The following SLX4IP variants were observed in gnomAD, a reference collection of about 807,000 sequenced individuals.
SLX4IP encodes protein SLX4IP.
SLX4IP carries 34 observed loss-of-function variants against 32.9 expected under a neutral mutation model. The ratio of observed to expected loss-of-function variants is 1.03; its 90% CI spans 0.79 to 1.38. The LOEUF (loss-of-function observed/expected upper bound fraction) is 1.38, where lower values mean the gene tolerates loss of function less well. SLX4IP is among the 40% of genes most tolerant of loss of function. The probability of loss-of-function intolerance (pLI) is 0.00; values close to 1 mark genes in which losing one functional copy is unlikely to be tolerated. For missense variants in SLX4IP, 444 were observed against 479.0 expected, an observed-to-expected ratio of 0.93 and a Z score of 0.68; for synonymous variants, 172 against 171.7, an observed-to-expected ratio of 1.00 and a Z score of -0.01.
chr20:10,438,503 A>G (rs1037878089), intron 1 of SLX4IP, among the ~76,000 whole-genome samples: 11 of 139,420 alleles, frequency 7.9e-5, no homozygotes, highest in African/African-American at 3.0e-4. Flanking sequence ...TTTGAGATGA[A>G]GTCTCCCTCT....
chr20:10,571,707 G>A (rs1032026942), intron 4 of SLX4IP, among the ~76,000 whole-genome samples: 1 of 152,172 alleles, frequency 6.6e-6, no homozygotes, highest in Non-Finnish European at 1.5e-5. Context: ...AGCACCCACT[G>A]CAGAGCCTGT....
intron 2 of SLX4IP, among the ~76,000 whole-genome samples, chr20:10,468,015 C>T (rs2065395018): frequency 6.6e-6 from 1 of 152,090 alleles, no homozygotes; most frequent in African/African-American, 2.4e-5. Flanking sequence ...TCTTATCCTC[C>T]TTTTTAGTCT....
intron 1 of SLX4IP, among the ~76,000 whole-genome samples, chr20:10,446,607 A>G (rs2065204688): frequency 1.3e-5 from 2 of 151,694 alleles, no homozygotes; most frequent in African/African-American, 2.4e-5. Flanking sequence ...TGAGAGATCT[A>G]TTTTCTCTGC....
intron 6 of SLX4IP, 151 bp downstream of exon 6, chr20:10,601,970 G>A (rs556482672): frequency 1.2e-4 from 78 of 651,702 alleles, no homozygotes; most frequent in Admixed American, 3.7e-4. Flanking sequence ...CCTGTTTTAC[G>A]TGGTAATATC....
intron 2 of SLX4IP, among the ~76,000 whole-genome samples, chr20:10,495,243 C>T (rs557418911): frequency 6.6e-6 from 1 of 152,092 alleles, no homozygotes; most frequent in Non-Finnish European, 1.5e-5. Flanking sequence ...TTGTCATTGT[C>T]ATTTTCTCCT....
intron 4 of SLX4IP, 142 bp from the exon 5 acceptor site, chr20:10,598,533 G>T: frequency 1.3e-6 from 1 of 783,098 alleles, no homozygotes; most frequent in South Asian, 1.6e-5. Context: ...CGAATTGTTG[G>T]GATTACAGGC....
intron 2 of SLX4IP, among the ~76,000 whole-genome samples, chr20:10,486,965 G>GTT: frequency 6.6e-6 from 1 of 151,098 alleles, no homozygotes; most frequent in East Asian, 1.9e-4. Context: ...ACAGTTAAGT[G>GTT]TTGATTGTTC....
At chr20:10,489,858 A>G (rs1321977886) in intron 2 of SLX4IP, among the ~76,000 whole-genome samples, 1 of 152,242 alleles carries the variant, frequency 6.6e-6, no homozygotes, top group Non-Finnish European at 1.5e-5. Context: ...AATGAAGCTT[A>G]CTTGGTTCTT....
At chr20:10,575,075 G>T (rs1025349731) in intron 4 of SLX4IP, among the ~76,000 whole-genome samples, 5 of 152,074 alleles carry the variant, frequency 3.3e-5, no homozygotes, top group African/African-American at 1.2e-4. Context: ...CCAAAGACAG[G>T]TCCCCACTGG....
chr20:10,625,982 G>T lies in SLX4IP; in HGVS notation c.*2603G>T, dbSNP rs1274658466. On this transcript the variant is annotated 3_prime_UTR_variant, in exon 8 of 8. Transcript: ENST00000334534. ...AGGTAGGATATGAAGAGTTCTCACTGTTGGGAATGGTATGTGTTTTGACAT... is the reference window on the plus strand; with the variant it reads ...AGGTAGGATATGAAGAGTTCTCACTTTTGGGAATGGTATGTGTTTTGACAT... 3 of 144,864 alleles carry T rather than the reference G, an allele frequency of 2.1e-5. No individual in the cohort carries two copies. Among genetic ancestry groups the T allele is most frequent in the East Asian group, 4.0e-4 (2 of 4,972 alleles). 9.0% of individuals were successfully genotyped at this position (144,864 alleles called of 1,614,324 possible).
chr20:10,603,919 T>C (rs80325724), intron 6 of SLX4IP, among the ~76,000 whole-genome samples: 3,663 of 152,322 alleles, frequency 0.024, 101 homozygotes, highest in Admixed American at 0.088. Context: ...TTAATTCTCA[T>C]TGATATTTGA....
chr20:10,531,543 TG>T (rs2065989477), intron 2 of SLX4IP, among the ~76,000 whole-genome samples: 1 of 152,192 alleles, frequency 6.6e-6, no homozygotes, highest in South Asian at 2.1e-4. Flanking sequence ...TTCTCAGCTG[TG>T]GGGACCCAAT....
At chr20:10,510,032 C>T (rs78125820) in intron 2 of SLX4IP, among the ~76,000 whole-genome samples, 2,935 of 152,242 alleles carry the variant, frequency 0.019, 77 homozygotes, top group African/African-American at 0.056. Context: ...TATTAACATT[C>T]TGTGTACAGA....
At chr20:10,481,362 A>G (rs1238719553) in intron 2 of SLX4IP, among the ~76,000 whole-genome samples, 4 of 152,178 alleles carry the variant, frequency 2.6e-5, no homozygotes, top group African/African-American at 4.8e-5. Flanking sequence ...ACATTGTCTC[A>G]TATCTTGGAA....
chr20:10,590,403 C>T (rs1444838129), intron 4 of SLX4IP, among the ~76,000 whole-genome samples: 1 of 151,922 alleles, frequency 6.6e-6, no homozygotes, highest in African/African-American at 2.4e-5. Flanking sequence ...CTCTGTCACC[C>T]AGGCTGGAGT....
intron 2 of SLX4IP, among the ~76,000 whole-genome samples, chr20:10,522,774 G>A (rs1047933318): frequency 1.3e-5 from 2 of 152,100 alleles, no homozygotes; most frequent in Non-Finnish European, 2.9e-5. Context: ...TTCATCCATC[G>A]ATGCCACAAG....
chr20:10,496,361 A>G (rs948092916), intron 2 of SLX4IP, among the ~76,000 whole-genome samples: 1 of 152,046 alleles, frequency 6.6e-6, no homozygotes, highest in Admixed American at 6.6e-5. Flanking sequence ...AATTCATCAT[A>G]CACAGTAATT....
At chr20:10,456,218 A>G (rs568249951) in intron 1 of SLX4IP, among the ~76,000 whole-genome samples, 1 of 152,306 alleles carries the variant, frequency 6.6e-6, no homozygotes, top group East Asian at 1.9e-4. Flanking sequence ...AATATTCCAA[A>G]ATCTGAAAAA....
chr20:10,503,877 C>T (rs2065738294), intron 2 of SLX4IP, among the ~76,000 whole-genome samples: 1 of 152,176 alleles, frequency 6.6e-6, no homozygotes, highest in African/African-American at 2.4e-5. Flanking sequence ...TCTCTGTCTT[C>T]TTCTCTTAGA....
Sources: allele counts gnomAD v4.1 joint callset (sites outside exome capture counted in the v4.1 genomes callset), GRCh38; gene constraint gnomAD v4.1.1; transcripts MANE v1.5; gene names NCBI Gene and HGNC (gene_info 2026-07-23, HGNC 2026-07-21).